The following GRIK2 variants were observed in gnomAD, a reference collection of about 807,000 sequenced individuals.
GRIK2 encodes glutamate receptor ionotropic, kainate 2.
In GRIK2, 32 loss-of-function variants were observed where a neutral mutation model predicts 100.3. The observed-to-expected ratio is 0.32, with a 90% CI of 0.24 to 0.43. The LOEUF (loss-of-function observed/expected upper bound fraction) is 0.43. Ranked by LOEUF, GRIK2 falls within the 20% of genes least tolerant of loss-of-function variation. The pLI, the probability that GRIK2 is intolerant of heterozygous loss-of-function variation, is 1.00. For synonymous variants in GRIK2, 417 were observed against 389.4 expected (o/e 1.07, Z -0.83); for missense variants, 843 against 1,114.9 (o/e 0.76, Z 3.47).
At chr6:101,990,161 A>G (rs1000714806) in intron 14 of GRIK2, among the ~76,000 whole-genome samples, 2 of 151,640 alleles carry the variant, frequency 1.3e-5, no homozygotes, top group Admixed American at 6.6e-5. Flanking sequence ...TGCCACCCTA[A>G]TAGTACAGTG....
At chr6:101,446,095 C>T (rs1770359442) in intron 2 of GRIK2, among the ~76,000 whole-genome samples, 1 of 151,986 alleles carries the variant, frequency 6.6e-6, no homozygotes, top group African/African-American at 2.4e-5. Flanking sequence ...CACTCAGCAC[C>T]TGGCCTGTTC....
chr6:101,762,441 G>T (rs1404859419), intron 7 of GRIK2, among the ~76,000 whole-genome samples: 5 of 151,880 alleles, frequency 3.3e-5, no homozygotes, highest in Non-Finnish European at 7.4e-5. Context: ...GCTGGGTTTT[G>T]CTTTCCTGAC....
chr6:101,834,412 G>A (rs1782926547), intron 10 of GRIK2, among the ~76,000 whole-genome samples: 1 of 150,872 alleles, frequency 6.6e-6, no homozygotes, highest in Non-Finnish European at 1.5e-5. Context: ...CTATTTCCCA[G>A]CCTCTTATGA....
intron 11 of GRIK2, among the ~76,000 whole-genome samples, chr6:101,861,697 TA>T (rs1259030057): frequency 3.9e-5 from 6 of 152,146 alleles, no homozygotes; most frequent in African/African-American, 1.4e-4. Context: ...TCATTATAGA[TA>T]AAATCAAAAC....
At chr6:101,691,363 T>C (rs1331032366) in intron 7 of GRIK2, among the ~76,000 whole-genome samples, 1 of 151,500 alleles carries the variant, frequency 6.6e-6, no homozygotes, top group East Asian at 1.9e-4. Flanking sequence ...GCAATGACAG[T>C]CTCTGCTCAC....
At chr6:101,682,364 T>C (rs1191717952) in intron 5 of GRIK2, among the ~76,000 whole-genome samples, 189 bp from the exon 6 acceptor site, 2 of 152,214 alleles carry the variant, frequency 1.3e-5, no homozygotes, top group Non-Finnish European at 2.9e-5. Flanking sequence ...GAGAATTGCT[T>C]CAGAAATTCC....
intron 2 of GRIK2, among the ~76,000 whole-genome samples, chr6:101,618,183 A>C (rs945314337): frequency 6.6e-6 from 1 of 151,584 alleles, no homozygotes; most frequent in African/African-American, 2.4e-5. Flanking sequence ...TATGATTGAA[A>C]TAATTTCTAT....
At chr6:101,800,930 G>T (rs1483297394) in intron 8 of GRIK2, among the ~76,000 whole-genome samples, 1 of 151,988 alleles carries the variant, frequency 6.6e-6, no homozygotes, top group African/African-American at 2.4e-5. Flanking sequence ...TGAGAATCTT[G>T]TCCACTAAAT....
At chr6:101,681,235 C>T (rs991851256) in intron 5 of GRIK2, among the ~76,000 whole-genome samples, 2 of 151,862 alleles carry the variant, frequency 1.3e-5, no homozygotes, top group Non-Finnish European at 2.9e-5. Flanking sequence ...ATGGGATATC[C>T]ATCACCTCAA....
chr6:101,920,699 G>A (rs1789432108), intron 12 of GRIK2, among the ~76,000 whole-genome samples: 1 of 149,328 alleles, frequency 6.7e-6, no homozygotes, highest in Admixed American at 6.8e-5. Flanking sequence ...ATGACAATAT[G>A]AGCAAAGAAA....
chr6:101,468,813 A>T (rs116734928), intron 2 of GRIK2, among the ~76,000 whole-genome samples: 1 of 152,164 alleles, frequency 6.6e-6, no homozygotes, highest in Admixed American at 6.5e-5. Flanking sequence ...AAACTTCAAT[A>T]TATGTTATAA....
intron 2 of GRIK2, among the ~76,000 whole-genome samples, chr6:101,484,969 G>A (rs184335088): frequency 1.4e-4 from 21 of 152,210 alleles, no homozygotes; most frequent in Admixed American, 2.0e-4. Context: ...AAGGAATAAG[G>A]CTGCAGAGGC....
intron 11 of GRIK2, among the ~76,000 whole-genome samples, chr6:101,869,668 T>C (rs780122135): frequency 6.6e-6 from 1 of 151,854 alleles, no homozygotes; most frequent in Non-Finnish European, 1.5e-5. Context: ...CACAAAACAC[T>C]GGCTTTTGAG....
At chr6:101,921,083 T>C (rs1489638197) in intron 12 of GRIK2, among the ~76,000 whole-genome samples, 1 of 151,946 alleles carries the variant, frequency 6.6e-6, no homozygotes, top group Non-Finnish European at 1.5e-5. Flanking sequence ...AAAAAGACAT[T>C]CTAGAAGTTT....
intron 2 of GRIK2, among the ~76,000 whole-genome samples, chr6:101,592,034 GT>G (rs1166333649): frequency 7.2e-5 from 11 of 152,030 alleles, no homozygotes; most frequent in South Asian, 4.2e-4. Flanking sequence ...CTGAGATGTT[GT>G]TTAAAAGTCT....
intron 14 of GRIK2, among the ~76,000 whole-genome samples, chr6:102,015,655 G>A (rs1012773969): frequency 1.5e-4 from 23 of 152,242 alleles, no homozygotes; most frequent in Non-Finnish European, 7.4e-5. Context: ...GTACTCCACC[G>A]TGCTGCTGCT....
At position 101,521,254 on chromosome 6, in the gene GRIK2, TA is replaced by T. The variant is rs528978722; in HGVS notation, c.116-100692del. On this transcript the variant is annotated intron_variant, in intron 2 of 16. Coordinates refer to ENST00000369134, the MANE Select transcript of GRIK2 (RefSeq NM_021956.5). ...GGAAAAAGAAAACTATTGTATATAGTAAACCTTAATGTGCTTTAATAGACTT... is the reference window on the plus strand; with the variant it reads ...GGAAAAAGAAAACTATTGTATATAGTAACCTTAATGTGCTTTAATAGACTT... 3.4e-3 allele frequency among the ~76,000 whole-genome samples: 515 copies of T among 151,730 alleles called. 3 individuals are homozygous for T. Among genetic ancestry groups the T allele is most frequent in the African/African-American group, 0.012 (488 of 41,538 alleles).
At chr6:101,467,071 C>G (rs372806065) in intron 2 of GRIK2, among the ~76,000 whole-genome samples, 1 of 152,120 alleles carries the variant, frequency 6.6e-6, no homozygotes, top group Admixed American at 6.5e-5. Flanking sequence ...TGGCCAATCT[C>G]ATACCACAAG....
At chr6:101,592,239 A>G (rs572355937) in intron 2 of GRIK2, among the ~76,000 whole-genome samples, 1 of 151,876 alleles carries the variant, frequency 6.6e-6, no homozygotes, top group Non-Finnish European at 1.5e-5. Flanking sequence ...GAAAGAAATG[A>G]CTAATATAAT....
Sources: gnomAD v4.1 joint callset for allele counts (sites outside exome capture counted in the v4.1 genomes callset) on GRCh38, gnomAD v4.1.1 for gene constraint, MANE v1.5 for transcripts, NCBI Gene and HGNC (gene_info 2026-07-23, HGNC 2026-07-21) for gene names.